PLEKHG1: variants seen among roughly 807,000 people sequenced by gnomAD.
PLEKHG1 encodes the protein pleckstrin homology domain-containing family G member 1.
Under a neutral mutation model 100.8 loss-of-function variants are expected in PLEKHG1, and 44 were observed. That is an observed-to-expected ratio of 0.44 (90% CI 0.34 to 0.56). The LOEUF (loss-of-function observed/expected upper bound fraction) is 0.56, where lower values mean the gene tolerates loss of function less well. PLEKHG1 is among the 20% of genes least tolerant of loss of function. The pLI is 0.01. For missense variants in PLEKHG1, 1,545 were observed against 1,720.9 expected (o/e 0.90, Z 1.81); for synonymous variants, 640 against 662.5 (o/e 0.97, Z 0.52).
In PLEKHG1 at chr6:150,694,561, G is replaced by T. The variant is rs755614146; in HGVS notation, c.-98-39023G>T. Among the ~76,000 whole-genome samples, 43 of 152,144 alleles carry T rather than the reference G, an allele frequency of 2.8e-4. 1 individual carries two copies. Among genetic ancestry groups the T allele is most frequent in the Non-Finnish European group, 2.8e-4 (19 of 67,994 alleles). ...CTAAAAATACAAAAATTAGCCCAGT[G>T]TGGGGGTGGGCGCCTGTAATCCCAG... On this transcript the variant is annotated intron_variant, in intron 3 of 3. Coordinates refer to the PLEKHG1 transcript ENST00000367326.
At chr6:150,786,751 C>G (rs1287562886) in intron 4 of PLEKHG1, among the ~76,000 whole-genome samples, 1 of 151,848 alleles carries the variant, frequency 6.6e-6, no homozygotes, top group African/African-American at 2.4e-5. Flanking sequence ...AAAAATGGGC[C>G]GGGCATGGTG....
chr6:150,652,979 A>G (rs1402202836), intron 3 of PLEKHG1, among the ~76,000 whole-genome samples: 1 of 152,240 alleles, frequency 6.6e-6, no homozygotes, highest in Non-Finnish European at 1.5e-5. Context: ...TGCTTGTGTC[A>G]GAGTTCATCA....
intron 1 of PLEKHG1, among the ~76,000 whole-genome samples, chr6:150,724,281 A>T (rs1781843235): frequency 6.6e-6 from 1 of 152,242 alleles, no homozygotes; most frequent in Non-Finnish European, 1.5e-5. Flanking sequence ...ACTGGTGAGA[A>T]CTTGACCACA....
intron 2 of PLEKHG1, among the ~76,000 whole-genome samples, chr6:150,760,568 C>T (rs1483160905): frequency 6.6e-6 from 1 of 150,512 alleles, no homozygotes; most frequent in Non-Finnish European, 1.5e-5. Flanking sequence ...CTTTAAAATA[C>T]ATAGTCTTCG....
At chr6:150,668,590 C>T (rs766778029) in intron 3 of PLEKHG1, among the ~76,000 whole-genome samples, 2 of 152,104 alleles carry the variant, frequency 1.3e-5, no homozygotes, top group East Asian at 1.9e-4. Flanking sequence ...TCTTGCTGGC[C>T]GATGACCAAG....
At chr6:150,741,936 C>A (rs1253957537) in intron 2 of PLEKHG1, among the ~76,000 whole-genome samples, 8 of 152,202 alleles carry the variant, frequency 5.3e-5, no homozygotes, top group Non-Finnish European at 1.0e-4. Flanking sequence ...ATAGAACCAC[C>A]ACCGTCCCCA....
chr6:150,688,815 A>G (rs545355130), intron 3 of PLEKHG1, among the ~76,000 whole-genome samples: 1 of 152,336 alleles, frequency 6.6e-6, no homozygotes, highest in East Asian at 1.9e-4. Flanking sequence ...ACAATTTACC[A>G]TTTAAAGTGT....
At chr6:150,623,603 C>T (rs186696096) in intron 1 of PLEKHG1, among the ~76,000 whole-genome samples, 97 of 152,356 alleles carry the variant, frequency 6.4e-4, no homozygotes, top group South Asian at 2.1e-4. Flanking sequence ...AGCCCTTGCG[C>T]GTACTGCAAA....
chr6:150,670,532 CT>C (rs1779549170), intron 3 of PLEKHG1, among the ~76,000 whole-genome samples: 1 of 152,312 alleles, frequency 6.6e-6, no homozygotes. Flanking sequence ...TGGGCGCCCC[CT>C]GGAGTTGTAC....
In PLEKHG1 at chr6:150,733,606, A is replaced by AGTGCCATCAGCT. The variant is rs1782395974; in HGVS notation, c.-73_-62dup. 6.2e-7 allele frequency: 1 copy of AGTGCCATCAGCT among 1,612,604 alleles called. No homozygotes were observed. Among genetic ancestry groups the AGTGCCATCAGCT allele is most frequent in the Non-Finnish European group, 8.5e-7 (1 of 1,179,274 alleles). ...TAGATGGGCACCAGTTGCGTCTTGA[A>AGTGCCATCAGCT]GTGCCATCAGCTGTAACCAAAGTTC... is the stretch of plus-strand genomic sequence containing the variant. On this transcript the variant is annotated 5_prime_UTR_variant, in exon 2 of 16. The change abolishes the stop of an existing upstream ORF in the 5' untranslated region. Transcript: ENST00000358517.
intron 10 of PLEKHG1, among the ~76,000 whole-genome samples, chr6:150,813,178 G>A (rs1415810221): frequency 2.0e-5 from 3 of 151,936 alleles, no homozygotes; most frequent in South Asian, 4.2e-4. Context: ...GGTGGCGGGT[G>A]CCTGTAGTCC....
At chr6:150,739,188 A>G (rs554643997) in intron 2 of PLEKHG1, among the ~76,000 whole-genome samples, 1 of 152,298 alleles carries the variant, frequency 6.6e-6, no homozygotes, top group South Asian at 2.1e-4. Context: ...CATTTCTACT[A>G]CAGAATGGCA....
intron 14 of PLEKHG1, among the ~76,000 whole-genome samples, chr6:150,827,057 C>T (rs1776649989): frequency 2.3e-5 from 3 of 129,118 alleles, no homozygotes; most frequent in Admixed American, 1.6e-4. Context: ...TTCCTTCTTT[C>T]TTTATTAAAT....
intron 1 of PLEKHG1, among the ~76,000 whole-genome samples, chr6:150,731,242 C>A (rs538043294): frequency 3.7e-4 from 57 of 152,282 alleles, no homozygotes; most frequent in South Asian, 4.1e-4. Context: ...ACTACTATAA[C>A]CAATTCATGT....
intron 1 of PLEKHG1, among the ~76,000 whole-genome samples, chr6:150,611,322 C>T (rs1370195356): frequency 6.6e-6 from 1 of 152,180 alleles, no homozygotes; most frequent in Non-Finnish European, 1.5e-5. Flanking sequence ...CAGAATGTAG[C>T]ACTCTTGTTG....
Position 150,779,377 on chromosome 6 carries a change from G to A in PLEKHG1, c.513-7013G>A, listed in dbSNP as rs150064012. ...TTTTTTTTTTTTGAGACAGAGTCTC[G>A]TTCTGTCGCCTAGGCTGGAGTGCAA... On this transcript the variant is annotated intron_variant, in intron 3 of 15. Coordinates refer to ENST00000358517, the Ensembl canonical transcript of PLEKHG1. Among the ~76,000 whole-genome samples the A allele has an allele frequency of 2.3e-3, 200 of 88,692 alleles. 1 individual carries two copies. The highest frequency in any genetic ancestry group is 0.014 in the African/African-American group (189 of 13,364). 58.2% of individuals were successfully genotyped at this position (88,692 alleles called of 152,430 possible).
chr6:150,659,612 ATAT>A (rs1168420812), intron 3 of PLEKHG1, among the ~76,000 whole-genome samples: 1 of 152,212 alleles, frequency 6.6e-6, no homozygotes, highest in Non-Finnish European at 1.5e-5. Context: ...AGCGGGAGTA[ATAT>A]TATTATCTAG....
intron 3 of PLEKHG1, chr6:150,663,800 C>T (rs1040566401): frequency 7.2e-5 from 11 of 152,276 alleles, no homozygotes; most frequent in Admixed American, 6.5e-4. Flanking sequence ...GATCCGCCCG[C>T]CTTGGCCTCC....
chr6:150,769,660 C>T (rs1221543485), intron 3 of PLEKHG1, among the ~76,000 whole-genome samples: 3 of 151,242 alleles, frequency 2.0e-5, no homozygotes, highest in Admixed American at 2.0e-4. Flanking sequence ...AGCACAGAAG[C>T]TGCTGTTCAA....
Sources: allele counts gnomAD v4.1 joint callset (sites outside exome capture counted in the v4.1 genomes callset), GRCh38; gene constraint gnomAD v4.1.1; transcripts MANE v1.5; gene names NCBI Gene and HGNC (gene_info 2026-07-23, HGNC 2026-07-21).